CANX: variants seen among roughly 807,000 people sequenced by gnomAD.
The protein encoded by CANX is calnexin.
Under a neutral mutation model 75.7 loss-of-function variants are expected in CANX, and 14 were observed. The observed-to-expected ratio is 0.19, with a 90% CI of 0.12 to 0.29. CANX has a LOEUF of 0.29. Ranked by LOEUF, CANX falls within the 10% of genes least tolerant of loss-of-function variation. The pLI is 1.00. For missense variants in CANX, 567 were observed against 713.2 expected (o/e 0.79, Z 2.34); for synonymous variants, 227 against 236.9 (o/e 0.96, Z 0.38).
At chr5:179,724,365 C>T (rs1050324334) in intron 12 of CANX, among the ~76,000 whole-genome samples, 1 of 152,174 alleles carries the variant, frequency 6.6e-6, no homozygotes, top group African/African-American at 2.4e-5. Flanking sequence ...CTTTTCCAGC[C>T]TCAGCCTCTG....
At position 179,709,873 on chromosome 5, in the gene CANX, G is replaced by T; in HGVS notation, c.529G>T (p.Asp177Tyr). Residue 177 changes from aspartate (D) to tyrosine (Y), a missense_variant and splice_region_variant, in exon 7 of 15, where the codon GAT (aspartate) becomes TAT (tyrosine). By Grantham distance (160) the Asp-to-Tyr change is radical (BLOSUM62 -3). Coordinates refer to ENST00000247461, the MANE Select transcript of CANX (RefSeq NM_001746.4). The stretch of plus-strand genomic sequence containing the variant: ...AAATAATCCTTTTTTGTTTTTGAAG[G>T]ATCAGTTCCATGACAAGACCCCTTA... ...LLSKTPELNL[D>Y]QFHDKTPYTI... 1 of 1,568,842 alleles carries T rather than the reference G, an allele frequency of 6.4e-7. No individual in the cohort carries two copies. The highest frequency in any genetic ancestry group is 2.0e-5 in the Admixed American group (1 of 49,034).
chr5:179,716,352 C>T lies in CANX; in HGVS notation c.911+58C>T. The T allele has an allele frequency of 3.1e-6, 4 of 1,283,350 alleles. No homozygotes were observed. In the South Asian group the frequency reaches 5.3e-5, roughly 17 times the overall value. The allele number at this position is 1,283,350 out of a possible 1,614,324, so 79.5% of individuals were successfully genotyped here. On this transcript the variant is annotated intron_variant, in intron 8 of 14. Transcript: ENST00000247461. The stretch of plus-strand genomic sequence containing the variant: ...GGAGCATTTCATATATTCCATGTGG[C>T]TTGAACAACGAAATGTTGGTTGAGT...
intron 1 of CANX, among the ~76,000 whole-genome samples, chr5:179,700,724 GC>G (rs754905265): frequency 1.3e-5 from 2 of 152,186 alleles, no homozygotes; most frequent in African/African-American, 2.4e-5. Context: ...AGTCGTTGCT[GC>G]CGTTTTGGCA....
At chr5:179,706,112 G>C (rs910611871) in intron 2 of CANX, 146 bp from the exon 3 acceptor site, 2 of 606,844 alleles carry the variant, frequency 3.3e-6, no homozygotes, top group African/African-American at 3.7e-5. Context: ...CCTTTGTCTT[G>C]CTAGAGGCCA....
Position 179,707,149 on chromosome 5 carries a change from C to T in CANX, c.263C>T (p.Ala88Val). Reference protein sequence around the residue: ...GTLSGWILSKAKKDDTDDEIA... With the variant: ...GTLSGWILSKVKKDDTDDEIA... Reference sequence around the variant, plus strand: ...ATTTACAGGTGGATTTTATCCAAAGCCAAGAAAGACGATACCGATGATGAA... The same window carrying T: ...ATTTACAGGTGGATTTTATCCAAAGTCAAGAAAGACGATACCGATGATGAA... The change falls in exon 4 of 15, where the codon GCC becomes GTC. Residue 88 changes from alanine (A) to valine (V), a missense_variant. Transcript: ENST00000247461. The T allele has an allele frequency of 1.3e-6, 2 of 1,599,970 alleles. No individual in the cohort carries two copies. The highest frequency in any genetic ancestry group is 1.7e-6 in the Non-Finnish European group (2 of 1,167,258).
upstream of CANX, chr5:179,694,471 CATCTGGATTCTTCCTG>C: frequency 1.4e-6 from 1 of 721,168 alleles, no homozygotes; most frequent in African/African-American, 1.8e-5. Context: ...AAAAGGCCAC[CATCTGGATTCTTCCTG>C]TTCTCTTCGG....
chr5:179,696,267 C>CTTTTTTTTTTTTTTT (rs34048949), upstream of CANX, among the ~76,000 whole-genome samples: 1 of 56,732 alleles, frequency 1.8e-5, no homozygotes, highest in Admixed American at 3.2e-4. Flanking sequence ...AGTGTCATTT[C>CTTTTTTTTTTTTTTT]TTTTTTTTTT....
intron 14 of CANX, among the ~76,000 whole-genome samples, chr5:179,727,666 G>A (rs765995173): frequency 2.6e-5 from 4 of 152,214 alleles, no homozygotes; most frequent in Non-Finnish European, 4.4e-5. Context: ...GTCACAGGAT[G>A]ATGACTGTGT....
At chr5:179,699,410 C>T (rs1263719558) in intron 1 of CANX, among the ~76,000 whole-genome samples, 2 of 152,156 alleles carry the variant, frequency 1.3e-5, no homozygotes, top group East Asian at 1.9e-4. Context: ...TCTTAGGCCT[C>T]TTTGCCGGCT....
chr5:179,714,069 G>C (rs1456920519), intron 7 of CANX, among the ~76,000 whole-genome samples: 2 of 152,174 alleles, frequency 1.3e-5, no homozygotes, highest in African/African-American at 2.4e-5. Flanking sequence ...CCTGATCTCA[G>C]CTCACTGCAA....
upstream of CANX, among the ~76,000 whole-genome samples, chr5:179,696,518 C>T (rs1011369814): frequency 2.0e-5 from 3 of 151,898 alleles, no homozygotes; most frequent in Admixed American, 6.6e-5. Flanking sequence ...TCAGGTAATC[C>T]GCCCGCCTCA....
At chr5:179,704,915 A>G (rs879684200) in intron 1 of CANX, among the ~76,000 whole-genome samples, 2 of 152,176 alleles carry the variant, frequency 1.3e-5, no homozygotes, top group Non-Finnish European at 2.9e-5. Flanking sequence ...CTAAAACGCT[A>G]ATTTGAAAAC....
chr5:179,709,129 C>T (rs1777349889), intron 6 of CANX, 70 bp downstream of exon 6: 4 of 958,286 alleles, frequency 4.2e-6, no homozygotes, highest in Non-Finnish European at 5.1e-6. Context: ...TGTAATTGGG[C>T]CGGGTGCAGT....
chr5:179,679,071 C>T (rs1328161515), intron 1 of CANX: 3 of 1,535,564 alleles, frequency 2.0e-6, no homozygotes, highest in Non-Finnish European at 2.6e-6. Flanking sequence ...ATGTGATCGG[C>T]CCAAAACTGC....
chr5:179,710,145 G>A, intron 7 of CANX, 80 bp downstream of exon 7: 4 of 893,314 alleles, frequency 4.5e-6, no homozygotes, highest in South Asian at 3.4e-5. Flanking sequence ...ATATCTGGCC[G>A]GGCACTGTGG....
At chr5:179,690,202 G>A (rs1776275206) in intron 1 of CANX, among the ~76,000 whole-genome samples, 1 of 152,216 alleles carries the variant, frequency 6.6e-6, no homozygotes, top group Non-Finnish European at 1.5e-5. Flanking sequence ...GGAAATTTCA[G>A]TCTGGCTTCT....
intron 1 of CANX, among the ~76,000 whole-genome samples, chr5:179,688,858 A>G (rs1443914747): frequency 5.3e-5 from 8 of 151,588 alleles, no homozygotes; most frequent in Non-Finnish European, 7.4e-5. Context: ...CTGAGGCAAA[A>G]GGATAACTTG....
upstream of CANX, among the ~76,000 whole-genome samples, chr5:179,695,632 TTTTA>T (rs201405088): frequency 1.0e-3 from 157 of 149,914 alleles, 1 homozygote; most frequent in African/African-American, 3.5e-3. Flanking sequence ...CCTGGCCTAT[TTTTA>T]TTTATTTATT....
At chr5:179,697,632 C>A (rs1776442020), upstream of CANX, among the ~76,000 whole-genome samples, 1 of 152,184 alleles carries the variant, frequency 6.6e-6, no homozygotes, top group African/African-American at 2.4e-5. Context: ...GAAGTTGGGG[C>A]GCCGTGGCTC....
Sources: allele counts gnomAD v4.1 joint callset (sites outside exome capture counted in the v4.1 genomes callset), GRCh38; gene constraint gnomAD v4.1.1; transcripts MANE v1.5; gene names NCBI Gene and HGNC (gene_info 2026-07-23, HGNC 2026-07-21).